ENTHD1: variants seen among roughly 807,000 people sequenced by gnomAD.
ENTHD1 encodes the protein ENTH domain-containing protein 1.
In ENTHD1, 23 loss-of-function variants were observed where a neutral mutation model predicts 39.1. That is an observed-to-expected ratio of 0.59 (90% CI 0.42 to 0.83). ENTHD1 has a LOEUF of 0.83. Among genes scored for constraint, ENTHD1 ranks in the 40% least tolerant of loss-of-function variants. The pLI is 0.00. For synonymous variants in ENTHD1, 230 were observed against 258.2 expected, an observed-to-expected ratio of 0.89 and a Z score of 1.05; for missense variants, 624 against 705.4, an observed-to-expected ratio of 0.88 and a Z score of 1.31.
intron 2 of ENTHD1, among the ~76,000 whole-genome samples, chr22:39,868,462 C>T (rs186589446): frequency 1.4e-4 from 21 of 151,740 alleles, no homozygotes; most frequent in Admixed American, 9.8e-4. Flanking sequence ...TAAAATCTAA[C>T]GCTAAGAAAG....
chr22:39,885,812 G>A (rs1384947295), intron 2 of ENTHD1, among the ~76,000 whole-genome samples: 1 of 152,156 alleles, frequency 6.6e-6, no homozygotes, highest in Admixed American at 6.5e-5. Flanking sequence ...GGTGGAACGG[G>A]AATGGGGAGC....
chr22:39,867,835 T>G lies in ENTHD1; in HGVS notation c.350-5828A>C, dbSNP rs1417311863. On this transcript the variant is annotated intron_variant, in intron 2 of 6. Coordinates refer to ENST00000325157, the MANE Select transcript of ENTHD1 (RefSeq NM_152512.4). The surrounding 1 kb of genome is among the most constrained non-coding windows in gnomAD (Gnocchi z 4.5). ...CAGTCAAGTTGACACAGTAAGTTCA[T>G]GCTTCAAAGTATCCCCCTGTTCTAT... 1.3e-5 allele frequency among the ~76,000 whole-genome samples: 2 copies of G among 152,070 alleles called. No homozygotes were observed. The highest frequency in any genetic ancestry group is 2.4e-5 in the African/African-American group (1 of 41,402).
chr22:39,795,841 T>C (rs1397583502), intron 5 of ENTHD1, among the ~76,000 whole-genome samples: 1 of 152,208 alleles, frequency 6.6e-6, no homozygotes, highest in Non-Finnish European at 1.5e-5. Flanking sequence ...TCCTCTAGGT[T>C]TTCCAATTTA....
chr22:39,872,354 T>C (rs577773216), intron 2 of ENTHD1, among the ~76,000 whole-genome samples: 2 of 152,332 alleles, frequency 1.3e-5, no homozygotes, highest in East Asian at 3.9e-4. Flanking sequence ...ATTCAATTCA[T>C]TATAATTGCC....
At chr22:39,781,186 C>T (rs779200066) in intron 5 of ENTHD1, among the ~76,000 whole-genome samples, 1 of 152,146 alleles carries the variant, frequency 6.6e-6, no homozygotes, top group South Asian at 2.1e-4. Context: ...AAACATTTTA[C>T]CCAACTGCTC....
In ENTHD1 at chr22:39,842,470, G is replaced by A. The variant is rs371922911; in HGVS notation, c.593-6512C>T. On this transcript the variant is annotated intron_variant, in intron 3 of 6. Transcript: ENST00000325157. ...CTTTTTTCTCTAGACTTCCCTTCTC[G>A]CTTCATTTCATTCATTTCATCTTCC... Among the ~76,000 whole-genome samples the A allele has an allele frequency of 2.7e-4, 41 of 152,014 alleles. No individual in the cohort carries two copies. In the East Asian group the frequency reaches 5.6e-3, roughly 21 times the overall value.
In ENTHD1 at chr22:39,743,924, G is replaced by T; in HGVS notation, c.1579C>A (p.Leu527Met). 1.9e-6 allele frequency: 3 copies of T among 1,614,162 alleles called. No homozygotes were observed. The highest frequency in any genetic ancestry group is 2.5e-6 in the Non-Finnish European group (3 of 1,180,006). Residue 527 changes from leucine (L) to methionine (M), a missense_variant, in exon 7 of 7, where the codon CTG becomes ATG. By Grantham distance (15) the Leu-to-Met change is conservative. Transcript: ENST00000325157. Reference protein sequence around the residue: ...STQNVDQFIPLSCSGFQSTKD... With the variant: ...STQNVDQFIPMSCSGFQSTKD... ...GTTGACTGAAAACCAGAACAGGACA[G>T]AGGGATGAACTGGTCTACATTTTGG...
chr22:39,797,715 C>T (rs1222705826), intron 5 of ENTHD1, among the ~76,000 whole-genome samples: 1 of 152,062 alleles, frequency 6.6e-6, no homozygotes, highest in South Asian at 2.1e-4. Context: ...GTATAGTATT[C>T]TTGGCTGGAA....
chr22:39,857,435 C>T lies in ENTHD1; in HGVS notation c.592+4330G>A, dbSNP rs553554132. On this transcript the variant is annotated intron_variant, in intron 3 of 6. Coordinates refer to ENST00000325157, the MANE Select transcript of ENTHD1 (RefSeq NM_152512.4). ...TCCAGCCTGGACAGCAAGAGTGAAA[C>T]TCCGTCTCAAAAAAAAAAAAAAAAA... 2.7e-5 allele frequency among the ~76,000 whole-genome samples: 3 copies of T among 112,758 alleles called. No individual in the cohort carries two copies. The South Asian group carries it at 9.0e-4, about 34-fold the overall frequency. 74.0% of individuals were successfully genotyped at this position (112,758 alleles called of 152,430 possible). A position where few individuals can be genotyped will look rare whatever the true frequency, so the allele number is the denominator to read the frequency against.
intron 2 of ENTHD1, among the ~76,000 whole-genome samples, chr22:39,871,196 T>G (rs1411333504): frequency 1.3e-5 from 2 of 150,342 alleles, no homozygotes; most frequent in Non-Finnish European, 3.0e-5. Context: ...AATAAATAAA[T>G]AAATAAATAA....
intron 3 of ENTHD1, among the ~76,000 whole-genome samples, chr22:39,836,259 G>A (rs891237270): frequency 4.6e-5 from 7 of 151,976 alleles, no homozygotes; most frequent in Non-Finnish European, 1.0e-4. Context: ...TTGATTGACT[G>A]CATACTAACA....
intron 5 of ENTHD1, among the ~76,000 whole-genome samples, chr22:39,770,455 T>G (rs2065312511): frequency 6.6e-6 from 1 of 152,058 alleles, no homozygotes; most frequent in African/African-American, 2.4e-5. Flanking sequence ...CTCTTAACAT[T>G]AGCACCCGCC....
chr22:39,758,627 T>C (rs2065205326), intron 6 of ENTHD1, among the ~76,000 whole-genome samples: 1 of 152,158 alleles, frequency 6.6e-6, no homozygotes, highest in Non-Finnish European at 1.5e-5. Context: ...GGTCTCACTA[T>C]GTTGACCACT....
At chr22:39,793,209 C>A (rs550677203) in intron 5 of ENTHD1, among the ~76,000 whole-genome samples, 3 of 151,968 alleles carry the variant, frequency 2.0e-5, no homozygotes, top group African/African-American at 7.2e-5. Context: ...TTTTCATATA[C>A]CTTTTGGCCA....
chr22:39,863,454 A>C (rs1349700642), intron 2 of ENTHD1, among the ~76,000 whole-genome samples: 1 of 152,168 alleles, frequency 6.6e-6, no homozygotes, highest in African/African-American at 2.4e-5. Context: ...TCAGTCAGTC[A>C]GGTGGTCTAT....
At chr22:39,748,845 A>G (rs893930133) in intron 6 of ENTHD1, among the ~76,000 whole-genome samples, 1 of 152,164 alleles carries the variant, frequency 6.6e-6, no homozygotes, top group African/African-American at 2.4e-5. Context: ...CAGTAGCATC[A>G]CCTGGGAATT....
At chr22:39,839,328 ATTAATT>A (rs2065927928) in intron 3 of ENTHD1, among the ~76,000 whole-genome samples, 1 of 152,218 alleles carries the variant, frequency 6.6e-6, no homozygotes, top group African/African-American at 2.4e-5. Flanking sequence ...TCTTGAATTA[ATTAATT>A]TTAGGAACAG....
chr22:39,892,666 T>C (rs528454053), intron 1 of ENTHD1, among the ~76,000 whole-genome samples: 1 of 150,152 alleles, frequency 6.7e-6, no homozygotes, highest in Non-Finnish European at 1.5e-5. Flanking sequence ...ATCCAAAGAC[T>C]TGGGACAATA....
At chr22:39,853,594 G>A (rs2066062008) in intron 3 of ENTHD1, among the ~76,000 whole-genome samples, 1 of 152,106 alleles carries the variant, frequency 6.6e-6, no homozygotes, top group Non-Finnish European at 1.5e-5. Flanking sequence ...TATTTTTTGA[G>A]ATAGAGTCTT....
Sources: allele counts gnomAD v4.1 joint callset (sites outside exome capture counted in the v4.1 genomes callset), GRCh38; gene constraint gnomAD v4.1.1; non-coding constraint Gnocchi (gnomAD v3.1); transcripts MANE v1.5; gene names NCBI Gene and HGNC (gene_info 2026-07-23, HGNC 2026-07-21).